Variants in DDX10 observed in about 807,000 individuals in gnomAD.
DDX10 encodes the protein DEAD-box helicase 10.
Under a neutral mutation model 104.3 loss-of-function variants are expected in DDX10, and 74 were observed. That is an observed-to-expected ratio of 0.71 (90% confidence interval 0.59 to 0.86). The LOEUF (loss-of-function observed/expected upper bound fraction) is 0.86. Among genes scored for constraint, DDX10 ranks in the 40% least tolerant of loss-of-function variants. DDX10 has a pLI of 0.00. For synonymous variants in DDX10, 351 were observed against 353.4 expected, an observed-to-expected ratio of 0.99 and a Z score of 0.08; for missense variants, 952 against 1,040.0, an observed-to-expected ratio of 0.92 and a Z score of 1.16.
intron 13 of DDX10, chr11:108,767,516 C>G (rs1421915932): frequency 1.3e-5 from 2 of 152,308 alleles, no homozygotes; most frequent in East Asian, 3.9e-4. Flanking sequence ...AAGGCTGTCT[C>G]CTCTTAGTTT....
At chr11:108,862,452 G>A (rs895112314) in intron 16 of DDX10, among the ~76,000 whole-genome samples, 1 of 152,178 alleles carries the variant, frequency 6.6e-6, no homozygotes, top group East Asian at 1.9e-4. Context: ...AGAAGCATTA[G>A]GAGCCTTAGT....
At chr11:108,669,781 G>A (rs1478271416) in intron 1 of DDX10, among the ~76,000 whole-genome samples, 2 of 152,180 alleles carry the variant, frequency 1.3e-5, no homozygotes, top group African/African-American at 4.8e-5. Context: ...AGAGGGAGGC[G>A]GAAGAGTCAG....
intron 13 of DDX10, among the ~76,000 whole-genome samples, chr11:108,734,472 T>C (rs2094316058): frequency 1.3e-5 from 2 of 152,188 alleles, no homozygotes; most frequent in African/African-American, 2.4e-5. Flanking sequence ...TTGCTTTATG[T>C]ATTTTTTTTC....
At chr11:108,668,581 AT>A (rs780551803) in intron 1 of DDX10, among the ~76,000 whole-genome samples, 2 of 152,222 alleles carry the variant, frequency 1.3e-5, no homozygotes, top group Non-Finnish European at 2.9e-5. Flanking sequence ...AGGTGGTAGC[AT>A]TGTACATAAA....
chr11:108,898,682 G>A (rs537470580), intron 16 of DDX10, among the ~76,000 whole-genome samples: 1 of 150,612 alleles, frequency 6.6e-6, no homozygotes, highest in Non-Finnish European at 1.5e-5. Context: ...AAAAACAAGC[G>A]AGATTTCTAC....
intron 13 of DDX10, among the ~76,000 whole-genome samples, chr11:108,729,562 CA>C (rs2094309517): frequency 6.6e-6 from 1 of 151,692 alleles, no homozygotes; most frequent in Non-Finnish European, 1.5e-5. Flanking sequence ...CAAGGAAGAA[CA>C]AAAGAAATTG....
At chr11:108,867,679 T>C (rs1463845628) in intron 16 of DDX10, among the ~76,000 whole-genome samples, 1 of 152,188 alleles carries the variant, frequency 6.6e-6, no homozygotes, top group Non-Finnish European at 1.5e-5. Context: ...GTTATAACAC[T>C]GCGGAAGATA....
chr11:108,796,621 C>CT (rs1861944707), intron 13 of DDX10, among the ~76,000 whole-genome samples: 1 of 152,148 alleles, frequency 6.6e-6, no homozygotes, highest in South Asian at 2.1e-4. Context: ...TATTCACATT[C>CT]TTAATATACT....
chr11:108,730,112 C>G lies in DDX10; in HGVS notation c.1965+6650C>G, dbSNP rs532468408. The G allele has an allele frequency of 2.0e-5, 3 of 152,376 alleles. No homozygotes were observed. In the South Asian group the frequency reaches 6.2e-4, roughly 32 times the overall value. The allele number at this position is 152,376 out of a possible 1,614,324, so 9.4% of individuals were successfully genotyped here. A position where few individuals can be genotyped will look rare whatever the true frequency, so the allele number is the denominator to read the frequency against. ...TCTTCTGCCTCCATTATAATTTTAC[C>G]AGGAAAACAATAGTCCCTCTCCACT... is the stretch of plus-strand genomic sequence containing the variant. On this transcript the variant is annotated intron_variant, in intron 13 of 17. Transcript: ENST00000322536.
chr11:108,789,196 C>A (rs1362417858), intron 13 of DDX10, among the ~76,000 whole-genome samples: 1 of 152,212 alleles, frequency 6.6e-6, no homozygotes, highest in Non-Finnish European at 1.5e-5. Context: ...GTTCTTGTCA[C>A]ACCTTCAATC....
At chr11:108,721,884 G>T (rs141230559) in intron 12 of DDX10, among the ~76,000 whole-genome samples, 198 of 152,304 alleles carry the variant, frequency 1.3e-3, no homozygotes, top group Non-Finnish European at 2.2e-3. Flanking sequence ...ACATAAAAAT[G>T]TAAGTGCAAT....
chr11:108,936,136 T>C (rs1256265011), intron 17 of DDX10, among the ~76,000 whole-genome samples: 1 of 152,184 alleles, frequency 6.6e-6, no homozygotes, highest in Non-Finnish European at 1.5e-5. Flanking sequence ...ACAGGGACCC[T>C]AAGTTGGAGA....
intron 16 of DDX10, among the ~76,000 whole-genome samples, chr11:108,870,782 A>G (rs956694647): frequency 6.6e-6 from 1 of 152,196 alleles, no homozygotes; most frequent in African/African-American, 2.4e-5. Flanking sequence ...TGTCACTAGA[A>G]TGGGAAACTC....
chr11:108,802,658 CAA>C (rs1862037957), intron 13 of DDX10, among the ~76,000 whole-genome samples: 1 of 152,018 alleles, frequency 6.6e-6, no homozygotes, highest in Admixed American at 6.5e-5. Flanking sequence ...CCTACCAAAA[CAA>C]AAAAGTTTCC....
At chr11:108,785,527 C>G (rs1264310002) in intron 13 of DDX10, among the ~76,000 whole-genome samples, 1 of 152,178 alleles carries the variant, frequency 6.6e-6, no homozygotes, top group East Asian at 1.9e-4. Context: ...ACTGATATCA[C>G]TTCCTTTTTG....
chr11:108,891,013 A>G (rs994806843), intron 16 of DDX10, among the ~76,000 whole-genome samples: 6 of 152,042 alleles, frequency 3.9e-5, no homozygotes, highest in Admixed American at 3.3e-4. Context: ...GTGTGTGTCT[A>G]CTGACTATCT....
intron 13 of DDX10, among the ~76,000 whole-genome samples, chr11:108,763,917 ATTAC>A (rs2094353590): frequency 6.6e-6 from 1 of 152,216 alleles, no homozygotes. Context: ...CAGGTTTCAA[ATTAC>A]TTACAGAAAA....
chr11:108,817,114 A>G lies in DDX10; in HGVS notation c.1966-21332A>G, dbSNP rs550535831. 2.6e-5 allele frequency among the ~76,000 whole-genome samples: 4 copies of G among 152,308 alleles called. No individual in the cohort carries two copies. The East Asian group carries it at 7.7e-4, about 29-fold the overall frequency. ...TATGGCAAAATTGGTTTTGTTATATAGTAGTTGTTTCACTTAAATTTGCAG... is the reference window on the plus strand; with the variant it reads ...TATGGCAAAATTGGTTTTGTTATATGGTAGTTGTTTCACTTAAATTTGCAG... On this transcript the variant is annotated intron_variant, in intron 13 of 17. Coordinates refer to ENST00000322536, the MANE Select transcript of DDX10 (RefSeq NM_004398.4).
chr11:108,730,311 C>T (rs1007493682), intron 13 of DDX10, among the ~76,000 whole-genome samples: 40 of 152,334 alleles, frequency 2.6e-4, no homozygotes, highest in Non-Finnish European at 1.9e-4. Context: ...GACAGGTTTT[C>T]CCTTATGACT....
Sources: gnomAD v4.1 joint callset for allele counts (sites outside exome capture counted in the v4.1 genomes callset) on GRCh38, gnomAD v4.1.1 for gene constraint, MANE v1.5 for transcripts, NCBI Gene and HGNC (gene_info 2026-07-23, HGNC 2026-07-21) for gene names.